SHE: variants seen among roughly 807,000 people sequenced by gnomAD.
The protein encoded by SHE is SH2 domain-containing adapter protein E.
Under a neutral mutation model 49.8 loss-of-function variants are expected in SHE, and 11 were observed. The observed-to-expected ratio is 0.22, with a 90% CI of 0.14 to 0.37. The LOEUF (loss-of-function observed/expected upper bound fraction) is 0.37, where lower values mean the gene tolerates loss of function less well. Ranked by LOEUF, SHE falls within the 10% of genes least tolerant of loss-of-function variation. The pLI is 1.00. For synonymous variants in SHE, 310 were observed against 278.1 expected, an observed-to-expected ratio of 1.11 and a Z score of -1.14; for missense variants, 624 against 655.5, an observed-to-expected ratio of 0.95 and a Z score of 0.52.
At chr1:154,496,917 G>C (rs1053697827) in intron 2 of SHE, among the ~76,000 whole-genome samples, 26 of 152,024 alleles carry the variant, frequency 1.7e-4, no homozygotes, top group African/African-American at 6.3e-4. Flanking sequence ...AAAGAAAGGT[G>C]AATCACAATT....
rs769085520 is a variant in SHE at position 154,482,772 on chromosome 1, G to A, written c.*1377C>T. 5.1e-5 allele frequency: 50 copies of A among 984,818 alleles called. No individual in the cohort carries two copies. Among genetic ancestry groups the A allele is most frequent in the Non-Finnish European group, 5.8e-5 (48 of 829,538 alleles). The allele number at this position is 984,818 out of a possible 1,614,324, so 61.0% of individuals were successfully genotyped here. A position where few individuals can be genotyped will look rare whatever the true frequency, so the allele number is the denominator to read the frequency against. On this transcript the variant is annotated 3_prime_UTR_variant, in exon 6 of 6. Transcript: ENST00000304760. ...CTAATACTATGAATCTTAAGTAATG[G>A]TATTTAAGAGAAAACCTCTAGGTCT...
Position 154,486,076 on chromosome 1 carries a change from G to A in SHE, c.1182-14C>T, listed in dbSNP as rs1317767266. The A allele has an allele frequency of 6.2e-7, 1 of 1,608,638 alleles. No homozygotes were observed. The highest frequency in any genetic ancestry group is 1.1e-5 in the South Asian group (1 of 91,004). On this transcript the variant is annotated splice_polypyrimidine_tract_variant and intron_variant, in intron 4 of 5. Coordinates refer to ENST00000304760, the MANE Select transcript of SHE (RefSeq NM_001010846.3). ...CCATGATACCAGCTGAAAAATGGGGGTGGAAGAGGGGAAAGCACCATGAGT... is the reference window on the plus strand; with the variant it reads ...CCATGATACCAGCTGAAAAATGGGGATGGAAGAGGGGAAAGCACCATGAGT...
At chr1:154,485,694 C>A (rs2149291564) in intron 5 of SHE, 2 of 412,302 alleles carry the variant, frequency 4.9e-6, no homozygotes, top group Non-Finnish European at 9.0e-6. Context: ...GTAAGGTAGA[C>A]ATTGACTAAT....
intron 5 of SHE, 124 bp downstream of exon 5, chr1:154,485,819 G>T: frequency 1.7e-6 from 2 of 1,170,338 alleles, no homozygotes; most frequent in Non-Finnish European, 1.2e-6. Context: ...CCAAACAAAT[G>T]CCTCTTATTT....
chr1:154,472,967 G>T (rs1483420598), intron 1 of SHE, among the ~76,000 whole-genome samples: 1 of 152,074 alleles, frequency 6.6e-6, no homozygotes, highest in Non-Finnish European at 1.5e-5. Flanking sequence ...TTCAAGACGA[G>T]CCTGGACAAC....
Position 154,483,848 on chromosome 1 carries a change from A to T in SHE, c.*301T>A, listed in dbSNP as rs1365678867. On this transcript the variant is annotated 3_prime_UTR_variant, in exon 6 of 6. Transcript: ENST00000304760. Reference sequence around the variant, plus strand: ...CTCTACTAAAAATACAAAAAAAAAAATTAGCTGGGAGTGGTGGTGCGAACC... The same window carrying T: ...CTCTACTAAAAATACAAAAAAAAAATTTAGCTGGGAGTGGTGGTGCGAACC... The T allele has an allele frequency of 2.5e-5, 16 of 631,826 alleles. No homozygotes were observed. The highest frequency in any genetic ancestry group is 3.3e-5 in the Non-Finnish European group (16 of 478,916). The allele number at this position is 631,826 out of a possible 1,614,324, so 39.1% of individuals were successfully genotyped here.
chr1:154,491,541 C>T (rs370159603), intron 2 of SHE, among the ~76,000 whole-genome samples: 1 of 152,238 alleles, frequency 6.6e-6, no homozygotes, highest in African/African-American at 2.4e-5. Context: ...GCTGGACCAA[C>T]GCACTCTCAC....
At chr1:154,497,410 T>G (rs1692565169) in intron 2 of SHE, among the ~76,000 whole-genome samples, 1 of 152,248 alleles carries the variant, frequency 6.6e-6, no homozygotes, top group South Asian at 2.1e-4. Context: ...CATTCAGCAA[T>G]TACATTTCTC....
exon 2 of SHE, chr1:154,470,232 AG>A: frequency 1.8e-6 from 2 of 1,116,886 alleles, no homozygotes; most frequent in Non-Finnish European, 2.4e-6. Context: ...TGGGCCATGG[AG>A]GGGGCACGGG....
rs887229843 is a variant in SHE at position 154,502,372 on chromosome 1, C to A, written c.-346G>T. 20 of 159,854 alleles carry A rather than the reference C, an allele frequency of 1.3e-4. No homozygotes were observed. The highest frequency in any genetic ancestry group is 8.2e-5 in the Non-Finnish European group (6 of 73,080). The allele number at this position is 159,854 out of a possible 1,614,324, so 9.9% of individuals were successfully genotyped here. On this transcript the variant is annotated 5_prime_UTR_variant, in exon 1 of 6. Transcript: ENST00000304760. ...CACGCTCCCAGGGACCAGAGAGGACCGAGCGGAGGCGGCGGGAGTATCCCC... is the reference window on the plus strand; with the variant it reads ...CACGCTCCCAGGGACCAGAGAGGACAGAGCGGAGGCGGCGGGAGTATCCCC...
intron 1 of SHE, among the ~76,000 whole-genome samples, chr1:154,472,043 G>C (rs1691758009): frequency 6.6e-6 from 1 of 151,790 alleles, no homozygotes. Context: ...CATGGTGGTG[G>C]GCGCCTGTAG....
chr1:154,473,687 G>A (rs1261036743), intron 1 of SHE, among the ~76,000 whole-genome samples: 3 of 151,766 alleles, frequency 2.0e-5, no homozygotes, highest in Non-Finnish European at 2.9e-5. Context: ...GCCTGTAGTC[G>A]TAGCTCCTCG....
At chr1:154,472,856 A>C (rs947570951) in intron 1 of SHE, among the ~76,000 whole-genome samples, 2 of 152,180 alleles carry the variant, frequency 1.3e-5, no homozygotes, top group Non-Finnish European at 2.9e-5. Context: ...TATCTACTAA[A>C]ATTACCTAAT....
intron 1 of SHE, among the ~76,000 whole-genome samples, chr1:154,500,330 A>G (rs1024640962): frequency 5.9e-5 from 9 of 152,212 alleles, no homozygotes; most frequent in Non-Finnish European, 1.3e-4. Flanking sequence ...ACTGAATAAC[A>G]TATGAGCTGG....
At chr1:154,498,262 T>C (rs1692598020) in intron 2 of SHE, among the ~76,000 whole-genome samples, 1 of 151,570 alleles carries the variant, frequency 6.6e-6, no homozygotes. Context: ...CTGGCTAATT[T>C]TGTATTTTTT....
chr1:154,487,229 G>T (rs1363836551), intron 3 of SHE, among the ~76,000 whole-genome samples: 1 of 145,036 alleles, frequency 6.9e-6, no homozygotes, highest in Non-Finnish European at 1.5e-5. Context: ...CCAAGATTGC[G>T]CCACGGCACT....
At chr1:154,494,825 G>A (rs1570854266) in intron 2 of SHE, among the ~76,000 whole-genome samples, 2 of 152,180 alleles carry the variant, frequency 1.3e-5, no homozygotes, top group Non-Finnish European at 2.9e-5. Flanking sequence ...GCCAAGGCAG[G>A]AGGATGACTT....
chr1:154,493,525 G>T (rs1214076979), intron 2 of SHE, among the ~76,000 whole-genome samples: 1 of 152,230 alleles, frequency 6.6e-6, no homozygotes, highest in East Asian at 1.9e-4. Flanking sequence ...GGGACGGGCA[G>T]CAGATAAACA....
chr1:154,491,657 G>A (rs1478772444), intron 2 of SHE, among the ~76,000 whole-genome samples: 1 of 152,218 alleles, frequency 6.6e-6, no homozygotes, highest in Non-Finnish European at 1.5e-5. Context: ...ATTACTGTAG[G>A]ACATATCATT....
Sources: gnomAD v4.1 joint callset for allele counts (sites outside exome capture counted in the v4.1 genomes callset) on GRCh38, gnomAD v4.1.1 for gene constraint, MANE v1.5 for transcripts, NCBI Gene and HGNC (gene_info 2026-07-23, HGNC 2026-07-21) for gene names.